PIP4K2B: variants seen among roughly 807,000 people sequenced by gnomAD.
PIP4K2B encodes the protein phosphatidylinositol-5-phosphate 4-kinase type 2 beta.
PIP4K2B carries 3 observed loss-of-function variants against 42.0 expected under a neutral mutation model. The ratio of observed to expected loss-of-function variants is 0.07; its 90% CI spans 0.03 to 0.18. The LOEUF (loss-of-function observed/expected upper bound fraction) is 0.18, where lower values mean the gene tolerates loss of function less well. Among genes scored for constraint, PIP4K2B ranks in the 10% least tolerant of loss-of-function variants. The pLI is 1.00. For synonymous variants in PIP4K2B, 204 were observed against 210.1 expected, an observed-to-expected ratio of 0.97 and a Z score of 0.25; for missense variants, 332 against 562.3, an observed-to-expected ratio of 0.59 and a Z score of 4.14.
intron 1 of PIP4K2B, among the ~76,000 whole-genome samples, chr17:38,794,496 T>TA (rs567475860): frequency 8.7e-4 from 105 of 120,442 alleles, no homozygotes; most frequent in Admixed American, 1.4e-3. Flanking sequence ...ACAATACAAT[T>TA]AAAAAAAAAA....
chr17:38,784,438 G>A (rs1909891249), intron 2 of PIP4K2B, 99 bp from the exon 3 acceptor site: 1 of 697,494 alleles, frequency 1.4e-6, no homozygotes, highest in African/African-American at 1.8e-5. Context: ...GTCTTGCTAT[G>A]TTGCCCAGAC....
At chr17:38,781,416 G>T (rs758086555) in intron 3 of PIP4K2B, among the ~76,000 whole-genome samples, 38 of 152,268 alleles carry the variant, frequency 2.5e-4, no homozygotes, top group Admixed American at 5.2e-4. Context: ...GCAACGGTGA[G>T]GGGAGATCCC....
In PIP4K2B at chr17:38,779,006, G is replaced by A. The variant is rs560671415; in HGVS notation, c.654+377C>T. The stretch of plus-strand genomic sequence containing the variant: ...AGTCAGAAGCCAGGTTCAAGAACAC[G>A]GAGCACCCTAGTTCACAGCCACAAG... On this transcript the variant is annotated intron_variant, in intron 5 of 9. Transcript: ENST00000619039. 5.3e-5 allele frequency among the ~76,000 whole-genome samples: 8 copies of A among 152,272 alleles called. No homozygotes were observed. In the South Asian group the frequency reaches 1.2e-3, roughly 24 times the overall value.
intron 1 of PIP4K2B, among the ~76,000 whole-genome samples, chr17:38,798,794 G>A (rs1414580178): frequency 6.6e-6 from 1 of 152,182 alleles, no homozygotes; most frequent in Non-Finnish European, 1.5e-5. Flanking sequence ...GAGGATGGAA[G>A]AATTTGAGCA....
intron 7 of PIP4K2B, among the ~76,000 whole-genome samples, chr17:38,775,440 A>C (rs987852255): frequency 6.6e-6 from 1 of 152,158 alleles, no homozygotes; most frequent in African/African-American, 2.4e-5. Context: ...TTGTAGAGAC[A>C]GGATCTCAGT....
intron 6 of PIP4K2B, among the ~76,000 whole-genome samples, chr17:38,778,077 G>A (rs1909468501): frequency 6.6e-6 from 1 of 152,174 alleles, no homozygotes; most frequent in Admixed American, 6.5e-5. Flanking sequence ...GACTCAGGCT[G>A]GACTATGAGA....
At chr17:38,772,301 A>C (rs186695894) in intron 7 of PIP4K2B, among the ~76,000 whole-genome samples, 131 of 152,332 alleles carry the variant, frequency 8.6e-4, no homozygotes, top group African/African-American at 2.8e-3. Flanking sequence ...AATAATTCAT[A>C]AGTTTTTAAA....
intron 5 of PIP4K2B, 117 bp downstream of exon 5, chr17:38,779,266 C>G (rs567798520): frequency 2.9e-6 from 3 of 1,025,886 alleles, no homozygotes; most frequent in East Asian, 2.4e-5. Flanking sequence ...TCCAGAGTTC[C>G]CTGTCCATGC....
In PIP4K2B at chr17:38,782,926, G is replaced by A. The variant is rs540150634; in HGVS notation, c.354+1317C>T. Among the ~76,000 whole-genome samples the A allele has an allele frequency of 9.9e-5, 15 of 152,202 alleles. No individual in the cohort carries two copies. The South Asian group carries it at 1.9e-3, about 19-fold the overall frequency. ...TTTCAGGCCAGGTGCGGTGGCTCAC[G>A]CCTGTAATCCCAGCACTTTGGGAGG... is the stretch of plus-strand genomic sequence containing the variant. On this transcript the variant is annotated intron_variant, in intron 3 of 9. Coordinates refer to ENST00000619039, the MANE Select transcript of PIP4K2B (RefSeq NM_003559.5).
rs2075060 is a variant in PIP4K2B at position 38,769,497 on chromosome 17, G to A, written c.*194C>T. 299,706 of 609,640 alleles carry A rather than the reference G, an allele frequency of 0.49. 78,040 individuals carry two copies. Among genetic ancestry groups the A allele is most frequent in the Middle Eastern group, 0.6 (1,491 of 2,496 alleles). The allele number at this position is 609,640 out of a possible 1,614,324, so 37.8% of individuals were successfully genotyped here. On this transcript the variant is annotated 3_prime_UTR_variant, in exon 10 of 10. Coordinates refer to ENST00000619039, the MANE Select transcript of PIP4K2B (RefSeq NM_003559.5). ...GTGGGGTTACATCCTGTGAGCAGGT[G>A]CACACACAGCACATCCCCCTCCTCT...
intron 7 of PIP4K2B, among the ~76,000 whole-genome samples, chr17:38,775,404 A>G (rs1263492982): frequency 6.6e-6 from 1 of 152,092 alleles, no homozygotes; most frequent in Non-Finnish European, 1.5e-5. Context: ...GGCACATGTC[A>G]CCACACCCAG....
In PIP4K2B at chr17:38,781,489, A is replaced by T. The variant is rs1909711221; in HGVS notation, c.355-885T>A. Among the ~76,000 whole-genome samples the T allele has an allele frequency of 6.6e-5, 10 of 152,110 alleles. No individual in the cohort carries two copies. The South Asian group carries it at 2.1e-3, about 32-fold the overall frequency. On this transcript the variant is annotated intron_variant, in intron 3 of 9. Coordinates refer to ENST00000619039, the MANE Select transcript of PIP4K2B (RefSeq NM_003559.5). Reference sequence around the variant, plus strand: ...ATGTCACAGAAATGTCTCCTCTCCAAGATGTTTCCCCATCTCTTAATGAGG... The same window carrying T: ...ATGTCACAGAAATGTCTCCTCTCCATGATGTTTCCCCATCTCTTAATGAGG...
intron 7 of PIP4K2B, among the ~76,000 whole-genome samples, chr17:38,775,012 C>T (rs1421776506): frequency 1.3e-5 from 2 of 151,672 alleles, no homozygotes; most frequent in East Asian, 2.0e-4. Flanking sequence ...TGCAGTGGCA[C>T]GATCTCGGCT....
chr17:38,778,447 G>C (rs1909492505), intron 5 of PIP4K2B, 75 bp from the exon 6 acceptor site: 17 of 1,351,848 alleles, frequency 1.3e-5, no homozygotes, highest in Admixed American at 1.2e-4. Flanking sequence ...GGGAGAGCCA[G>C]CAGGTGAACT....
chr17:38,789,754 C>T lies in PIP4K2B; in HGVS notation c.160-2834G>A, dbSNP rs116418617. Among the ~76,000 whole-genome samples, 491 of 152,158 alleles carry T rather than the reference C, an allele frequency of 3.2e-3. 6 individuals carry two copies. Among genetic ancestry groups the T allele is most frequent in the African/African-American group, 0.011 (476 of 41,492 alleles). On this transcript the variant is annotated intron_variant, in intron 1 of 9. Transcript: ENST00000619039. The stretch of plus-strand genomic sequence containing the variant: ...TTACTCATGGAGAAATGAAGGAAGC[C>T]ATAGGAATGCACGTGCTTTGAGAGG...
chr17:38,791,762 C>T (rs967493725), intron 1 of PIP4K2B, among the ~76,000 whole-genome samples: 5 of 149,414 alleles, frequency 3.3e-5, no homozygotes, highest in Non-Finnish European at 5.9e-5. Flanking sequence ...AAGGGCCTTA[C>T]TATATGCTAG....
In PIP4K2B at chr17:38,766,951, G is replaced by C. The variant is rs1477330842; in HGVS notation, c.*2740C>G. ...CGGACTTGTGGAAGAAGAGGGGGAA[G>C]GATGGGAGAAGGGGTGACTGGATGC... On this transcript the variant is annotated 3_prime_UTR_variant, in exon 10 of 10. Transcript: ENST00000619039. 6.6e-6 allele frequency: 1 copy of C among 152,502 alleles called. No individual in the cohort carries two copies. Among genetic ancestry groups the C allele is most frequent in the African/African-American group, 2.4e-5 (1 of 41,480 alleles). The allele number at this position is 152,502 out of a possible 1,614,324, so 9.4% of individuals were successfully genotyped here.
At chr17:38,798,532 T>C (rs549523312) in intron 1 of PIP4K2B, among the ~76,000 whole-genome samples, 1 of 152,152 alleles carries the variant, frequency 6.6e-6, no homozygotes, top group East Asian at 1.9e-4. Context: ...TAAGTCAACA[T>C]CTTTAAAATG....
chr17:38,773,627 CAG>C (rs1181669940), intron 7 of PIP4K2B, among the ~76,000 whole-genome samples: 9 of 152,118 alleles, frequency 5.9e-5, no homozygotes, highest in Non-Finnish European at 1.3e-4. Context: ...TAGGTCCTAA[CAG>C]AGAACTAGGA....
Sources: allele counts gnomAD v4.1 joint callset (sites outside exome capture counted in the v4.1 genomes callset), GRCh38; gene constraint gnomAD v4.1.1; transcripts MANE v1.5; gene names NCBI Gene and HGNC (gene_info 2026-07-23, HGNC 2026-07-21).